The following TNFRSF19 variants were observed in gnomAD, a reference collection of about 807,000 sequenced individuals.
The protein encoded by TNFRSF19 is TNF receptor superfamily member 19.
A neutral mutation model predicts 46.4 loss-of-function variants in TNFRSF19; 27 were observed. The ratio of observed to expected loss-of-function variants is 0.58; its 90% CI spans 0.43 to 0.80. The LOEUF is 0.80. Ranked by LOEUF, TNFRSF19 falls within the 30% of genes least tolerant of loss-of-function variation. TNFRSF19 has a pLI of 0.00. For synonymous variants in TNFRSF19, 204 were observed against 205.0 expected (o/e 1.00, Z 0.04); for missense variants, 511 against 530.8 (o/e 0.96, Z 0.37).
intron 1 of TNFRSF19, among the ~76,000 whole-genome samples, chr13:23,571,962 A>C (rs1184030508): frequency 1.3e-5 from 2 of 152,154 alleles, no homozygotes; most frequent in East Asian, 3.8e-4. Flanking sequence ...TGAACCATAA[A>C]GAAACCATAA....
In TNFRSF19 at chr13:23,638,980, A is replaced by G. The variant is rs187399986; in HGVS notation, c.445+12188A>G. Among the ~76,000 whole-genome samples the G allele has an allele frequency of 1.3e-4, 20 of 152,270 alleles. No individual in the cohort carries two copies. The East Asian group carries it at 2.9e-3, about 22-fold the overall frequency. ...TCTTTATCTTGTCCATCAGTAATTT[A>G]TTTTTGTCCTATTGAGAAGAAATAA... On this transcript the variant is annotated intron_variant, in intron 5 of 9. Transcript: ENST00000248484.
At chr13:23,594,239 C>T (rs1393764610) in intron 3 of TNFRSF19, 1 of 451,968 alleles carries the variant, frequency 2.2e-6, no homozygotes. Context: ...GCATCTGGAA[C>T]ACCAGCGAGA....
intron 2 of TNFRSF19, among the ~76,000 whole-genome samples, chr13:23,590,989 G>C (rs1298195307): frequency 6.6e-6 from 1 of 152,078 alleles, no homozygotes; most frequent in Non-Finnish European, 1.5e-5. Flanking sequence ...ATTCTTCTTG[G>C]TTCCAAAAAG....
At chr13:23,646,296 T>C (rs1883328326) in intron 5 of TNFRSF19, among the ~76,000 whole-genome samples, 1 of 152,158 alleles carries the variant, frequency 6.6e-6, no homozygotes, top group South Asian at 2.1e-4. Context: ...TAACATAAAG[T>C]TTGCCACTTC....
In TNFRSF19 at chr13:23,659,110, C is replaced by T. The variant is rs554763955; in HGVS notation, c.506C>T (p.Ala169Val). 8.9e-5 allele frequency: 143 copies of T among 1,613,770 alleles called. No homozygotes were observed. Among genetic ancestry groups the T allele is most frequent in the Middle Eastern group, 3.3e-4 (2 of 6,082 alleles). ...ACGGCCTCCAGCCCACGGGACACGG[C>T]GCTGGCTGCCGTTATCTGCAGCGCT... ...ASTASSPRDT[A>V]LAAVICSALA... The change falls in exon 6 of 10, where the codon GCG (alanine) becomes GTG (valine). Residue 169 changes from alanine (A) to valine (V), a missense_variant. This residue lies in a region of TNFRSF19 where 376 missense variants were observed against 372.7 expected (regional missense o/e 1.01). Coordinates refer to ENST00000248484, the MANE Select transcript of TNFRSF19 (RefSeq NM_148957.4). This position sits in a 1 kb window ranked among gnomAD's most constrained non-coding sequence, Gnocchi z 4.9.
chr13:23,610,796 G>A (rs1240335737), intron 3 of TNFRSF19, among the ~76,000 whole-genome samples: 4 of 151,812 alleles, frequency 2.6e-5, no homozygotes, highest in Non-Finnish European at 5.9e-5. Context: ...AAGTAAGTAG[G>A]GGCCCTATAA....
chr13:23,586,792 G>A (rs1407258456), intron 1 of TNFRSF19, among the ~76,000 whole-genome samples: 2 of 152,176 alleles, frequency 1.3e-5, no homozygotes, highest in Non-Finnish European at 2.9e-5. Flanking sequence ...TGCACTTGGG[G>A]TTTGTGTCCC....
In TNFRSF19 at chr13:23,673,619, T is replaced by C; in HGVS notation, c.*239T>C. 8.5e-7 allele frequency: 1 copy of C among 1,174,096 alleles called. No individual in the cohort carries two copies. Among genetic ancestry groups the C allele is most frequent in the Non-Finnish European group, 1.1e-6 (1 of 936,862 alleles). The allele number at this position is 1,174,096 out of a possible 1,614,324, so 72.7% of individuals were successfully genotyped here. A position where few individuals can be genotyped will look rare whatever the true frequency, so the allele number is the denominator to read the frequency against. On this transcript the variant is annotated 3_prime_UTR_variant, in exon 10 of 10. Coordinates refer to ENST00000248484, the MANE Select transcript of TNFRSF19 (RefSeq NM_148957.4). ...AGGCCGACTCATGATACTCTGCATC[T>C]TTCCTACATGAGAAGCTTCTCTGCC... is the stretch of plus-strand genomic sequence containing the variant.
At chr13:23,606,352 A>AT (rs918967969) in intron 3 of TNFRSF19, among the ~76,000 whole-genome samples, 4 of 136,974 alleles carry the variant, frequency 2.9e-5, no homozygotes, top group South Asian at 2.2e-4. Context: ...CATATTTATA[A>AT]TTTTTTTAAA....
chr13:23,617,786 G>T (rs182970627), intron 4 of TNFRSF19, among the ~76,000 whole-genome samples: 1 of 152,336 alleles, frequency 6.6e-6, no homozygotes, highest in Non-Finnish European at 1.5e-5. Flanking sequence ...AAGAAACTGA[G>T]ACTTATTAAG....
Position 23,668,068 on chromosome 13 carries a change from C to A in TNFRSF19, c.825C>A (p.Ala275=). The A allele has an allele frequency of 6.2e-7, 1 of 1,606,042 alleles. No homozygotes were observed. The change falls in exon 8 of 10, where the codon GCC becomes GCA. Residue 275 remains alanine, a synonymous_variant. Transcript: ENST00000248484. ...TTGGTTGTGGGGTGCATTCTGCAGCCAGTCTTCAGGCAAGGTAACTAGGTG... is the reference window on the plus strand; with the variant it reads ...TTGGTTGTGGGGTGCATTCTGCAGCAAGTCTTCAGGCAAGGTAACTAGGTG... ...ATLGCGVHSA[A]SLQARNAGPA...
chr13:23,654,091 G>T (rs898298296), intron 5 of TNFRSF19, among the ~76,000 whole-genome samples: 8 of 152,206 alleles, frequency 5.3e-5, no homozygotes, highest in Admixed American at 1.3e-4. Flanking sequence ...CAAGAGCCAG[G>T]TTTTGGACAA....
intron 4 of TNFRSF19, among the ~76,000 whole-genome samples, chr13:23,622,039 G>T (rs4770469): frequency 2.6e-5 from 4 of 151,944 alleles, no homozygotes; most frequent in African/African-American, 9.7e-5. Context: ...CTCTTCATGC[G>T]TAGTAGTCAC....
chr13:23,649,789 T>C (rs553059549), intron 5 of TNFRSF19, among the ~76,000 whole-genome samples: 50 of 152,336 alleles, frequency 3.3e-4, no homozygotes, highest in African/African-American at 1.1e-3. Flanking sequence ...TAATTTTCTT[T>C]GTGATTTCTT....
At chr13:23,642,911 C>A (rs1883110551) in intron 5 of TNFRSF19, among the ~76,000 whole-genome samples, 1 of 152,238 alleles carries the variant, frequency 6.6e-6, no homozygotes. Flanking sequence ...TGTGTGTTCA[C>A]AGGCACATGA....
intron 5 of TNFRSF19, among the ~76,000 whole-genome samples, chr13:23,631,785 T>A (rs1298402148): frequency 6.6e-6 from 1 of 152,154 alleles, no homozygotes; most frequent in Admixed American, 6.5e-5. Context: ...AATAGCAAGT[T>A]CCTCGTGTTG....
intron 5 of TNFRSF19, among the ~76,000 whole-genome samples, chr13:23,653,441 TGC>T (rs1883777057): frequency 6.6e-6 from 1 of 152,230 alleles, no homozygotes; most frequent in Admixed American, 6.5e-5. Context: ...TGATCGTCAG[TGC>T]TGTGAAGGAA....
At chr13:23,632,004 T>C (rs1790794934) in intron 5 of TNFRSF19, among the ~76,000 whole-genome samples, 1 of 152,210 alleles carries the variant, frequency 6.6e-6, no homozygotes. Context: ...TGATTTTTAC[T>C]CTGTTTGTGG....
chr13:23,617,603 A>G (rs1881391889), intron 4 of TNFRSF19, among the ~76,000 whole-genome samples: 2 of 152,200 alleles, frequency 1.3e-5, no homozygotes, highest in South Asian at 4.1e-4. Flanking sequence ...GACAGAAGAG[A>G]GAGGAAGCAG....
Sources: allele counts gnomAD v4.1 joint callset (sites outside exome capture counted in the v4.1 genomes callset), GRCh38; gene constraint gnomAD v4.1.1; regional missense constraint gnomAD v4.1.1; non-coding constraint Gnocchi (gnomAD v3.1); transcripts MANE v1.5; gene names NCBI Gene and HGNC (gene_info 2026-07-23, HGNC 2026-07-21).